Variants in TBC1D16 observed in about 807,000 individuals in gnomAD.
TBC1D16 encodes TBC1 domain family member 16, also known as CTD-2529O21.1.
In TBC1D16, 58 loss-of-function variants were observed where a neutral mutation model predicts 74.7. The observed-to-expected ratio is 0.78, with a 90% CI of 0.63 to 0.97. The LOEUF is 0.97. Ranked by LOEUF, TBC1D16 falls within the 50% of genes least tolerant of loss-of-function variation. TBC1D16 has a pLI of 0.00. For missense variants in TBC1D16, 1,014 were observed against 1,079.5 expected (o/e 0.94, Z 0.85); for synonymous variants, 493 against 474.7 (o/e 1.04, Z -0.50).
rs903955910 is a variant in TBC1D16 at position 80,007,698 on chromosome 17, A to G, written c.779+2462T>C. ...AACATATAAGCTGGCCGGTTAGGAG[A>G]GAGGGGAAGGAGGAAGCCTAGGTAG... On this transcript the variant is annotated intron_variant, in intron 3 of 11. Transcript: ENST00000310924. The surrounding 1 kb of genome is among the most constrained non-coding windows in gnomAD (Gnocchi z 4.5). 6.6e-6 allele frequency among the ~76,000 whole-genome samples: 1 copy of G among 152,020 alleles called. No individual in the cohort carries two copies. Among genetic ancestry groups the G allele is most frequent in the African/African-American group, 2.4e-5 (1 of 41,374 alleles).
At chr17:80,024,491 ACACCACACG>A (rs2036443114) in intron 1 of TBC1D16, among the ~76,000 whole-genome samples, 1 of 147,986 alleles carries the variant, frequency 6.8e-6, no homozygotes, top group African/African-American at 2.6e-5. Context: ...CCATAGACAC[ACACCACACG>A]CACCATAGAC....
At chr17:79,951,683 T>C in intron 4 of TBC1D16, 86 bp from the exon 5 acceptor site, 1 of 1,487,038 alleles carries the variant, frequency 6.7e-7, no homozygotes, top group Non-Finnish European at 9.0e-7. Flanking sequence ...CAGAGGCCAC[T>C]GTCGCCAACC....
chr17:79,952,669 C>G lies in TBC1D16; in HGVS notation c.929G>C (p.Arg310Pro). Residue 310 changes from arginine to proline, a missense_variant, in exon 4 of 12, where the codon CGC (arginine) becomes CCC (proline). Transcript: ENST00000310924. ...AGATGCTTCCTACCTGAAGAAAAGG[C>G]GGAGGGAGCGCATGTGGCCCAGGTC... ...RVDLGHMRSLRLFFSDEACTS... is the reference protein window; with the variant it reads ...RVDLGHMRSLPLFFSDEACTS... 6.3e-7 allele frequency: 1 copy of G among 1,597,060 alleles called. No homozygotes were observed. The highest frequency in any genetic ancestry group is 8.6e-7 in the Non-Finnish European group (1 of 1,167,372).
intron 3 of TBC1D16, among the ~76,000 whole-genome samples, chr17:79,995,742 G>A (rs1368015233): frequency 6.6e-6 from 1 of 151,912 alleles, no homozygotes; most frequent in African/African-American, 2.4e-5. Context: ...CCGAGATCGC[G>A]CCCCTGCACT....
chr17:79,957,672 T>G (rs1266584616), intron 3 of TBC1D16, among the ~76,000 whole-genome samples: 2 of 151,358 alleles, frequency 1.3e-5, no homozygotes, highest in East Asian at 3.9e-4. Flanking sequence ...CAAGACCGAG[T>G]GTGAATGCCG....
rs1422884352 is a variant in TBC1D16 at position 79,940,379 on chromosome 17, C to A, written c.*480G>T. The A allele has an allele frequency of 6.5e-6, 1 of 153,176 alleles. No homozygotes were observed. 9.5% of individuals were successfully genotyped at this position (153,176 alleles called of 1,614,324 possible). A position where few individuals can be genotyped will look rare whatever the true frequency, so the allele number is the denominator to read the frequency against. ...GGCTCACTCCGAGAGAACGAGGTCT[C>A]AAGAGGAAGTGTGTCTGGCTTGCAA... On this transcript the variant is annotated 3_prime_UTR_variant, in exon 12 of 12. Transcript: ENST00000310924. This position sits in a 1 kb window ranked among gnomAD's most constrained non-coding sequence, Gnocchi z 5.4.
intron 1 of TBC1D16, among the ~76,000 whole-genome samples, chr17:80,031,322 C>A (rs1273757584): frequency 6.6e-6 from 1 of 152,236 alleles, no homozygotes. Context: ...ACAGAAGCCA[C>A]ATTCAGGATA....
At position 79,979,538 on chromosome 17, in the gene TBC1D16, CA is replaced by C. The variant is rs1175348129; in HGVS notation, c.780-26721del. ...CGTCCCTGTGTCATCTCTGCAGGAC[CA>C]AACAGTCAATTAGTATCCAAATACT... On this transcript the variant is annotated intron_variant, in intron 3 of 11. Transcript: ENST00000310924. This position sits in a 1 kb window ranked among gnomAD's most constrained non-coding sequence, Gnocchi z 4.8. Among the ~76,000 whole-genome samples the C allele has an allele frequency of 6.6e-6, 1 of 152,158 alleles. No homozygotes were observed. Among genetic ancestry groups the C allele is most frequent in the East Asian group, 1.9e-4 (1 of 5,182 alleles).
intron 3 of TBC1D16, among the ~76,000 whole-genome samples, chr17:79,996,158 A>G (rs1026738655): frequency 6.6e-6 from 1 of 152,246 alleles, no homozygotes; most frequent in Non-Finnish European, 1.5e-5. Context: ...ATCATGTATT[A>G]ACAGGAATAA....
rs561791781 is a variant in TBC1D16, at chr17:79,975,787, C to A, written c.780-22969G>T. Among the ~76,000 whole-genome samples, 26 of 152,364 alleles carry A rather than the reference C, an allele frequency of 1.7e-4. No individual in the cohort carries two copies. Among genetic ancestry groups the A allele is most frequent in the African/African-American group, 5.3e-4 (22 of 41,574 alleles). On this transcript the variant is annotated intron_variant, in intron 3 of 11. Coordinates refer to ENST00000310924, the MANE Select transcript of TBC1D16 (RefSeq NM_019020.4). This position sits in a 1 kb window ranked among gnomAD's most constrained non-coding sequence, Gnocchi z 4.5. ...TAGTACAATACAAATTCAGGCAATGCCTGCGTCTGCCCACACCTGCAGAGC... is the reference window on the plus strand; with the variant it reads ...TAGTACAATACAAATTCAGGCAATGACTGCGTCTGCCCACACCTGCAGAGC...
At position 79,986,866 on chromosome 17, in the gene TBC1D16, T is replaced by G. The variant is rs2034858835; in HGVS notation, c.779+23294A>C. The stretch of plus-strand genomic sequence containing the variant: ...CTGAGGCCGGGCCGGTGGGAGGGCG[T>G]GATGCATGGGAGGAGCTGGACTGCG... On this transcript the variant is annotated intron_variant, in intron 3 of 11. Coordinates refer to ENST00000310924, the MANE Select transcript of TBC1D16 (RefSeq NM_019020.4). This position sits in a 1 kb window ranked among gnomAD's most constrained non-coding sequence, Gnocchi z 6.0. 6.6e-6 allele frequency among the ~76,000 whole-genome samples: 1 copy of G among 152,100 alleles called. No individual in the cohort carries two copies. Among genetic ancestry groups the G allele is most frequent in the Non-Finnish European group, 1.5e-5 (1 of 68,028 alleles).
At position 80,010,653 on chromosome 17, in the gene TBC1D16, G is replaced by T; in HGVS notation, c.286C>A (p.Arg96Ser). 1.3e-6 allele frequency: 2 copies of T among 1,549,494 alleles called. No individual in the cohort carries two copies. Among genetic ancestry groups the T allele is most frequent in the Non-Finnish European group, 8.7e-7 (1 of 1,150,818 alleles). Reference protein sequence around the residue: ...RIQRQDEEALRYITPESSPVR... With the variant: ...RIQRQDEEALSYITPESSPVR... ...GGGGAGCTCTCGGGTGTGATGTAGC[G>T]CAGGGCCTCCTCGTCCTGCCTCTGG... Residue 96 changes from arginine to serine, a missense_variant, in exon 3 of 12, where the codon CGC (arginine) becomes AGC (serine). By Grantham distance (110) the Arg-to-Ser change is moderately radical. Transcript: ENST00000310924. This position sits in a 1 kb window ranked among gnomAD's most constrained non-coding sequence, Gnocchi z 8.8.
At chr17:80,019,277 C>T (rs1331465158) in intron 1 of TBC1D16, among the ~76,000 whole-genome samples, 1 of 150,076 alleles carries the variant, frequency 6.7e-6, no homozygotes, top group Non-Finnish European at 1.5e-5. Flanking sequence ...CTCACTGTGG[C>T]TCTGCGAGGT....
In TBC1D16 at chr17:79,990,864, T is replaced by C. The variant is rs2035030721; in HGVS notation, c.779+19296A>G. ...GATTTGGCCCCTTATGTCTGGCTCA[T>C]TTCACTCGGCGTAACGTCCTCAACT... On this transcript the variant is annotated intron_variant, in intron 3 of 11. Transcript: ENST00000310924. The surrounding 1 kb of genome is among the most constrained non-coding windows in gnomAD (Gnocchi z 4.8). 6.6e-6 allele frequency among the ~76,000 whole-genome samples: 1 copy of C among 152,174 alleles called. No homozygotes were observed. The highest frequency in any genetic ancestry group is 2.4e-5 in the African/African-American group (1 of 41,440).
At position 79,936,870 on chromosome 17, in the gene TBC1D16, ATGTGTGTG is replaced by A. The variant is rs3080748; in HGVS notation, c.*3981_*3988del. The A allele has an allele frequency of 3.5e-3, 530 of 149,524 alleles. 1 individual carries two copies. The highest frequency in any genetic ancestry group is 0.02 in the Middle Eastern group (6 of 296). 9.3% of individuals were successfully genotyped at this position (149,524 alleles called of 1,614,324 possible). A position where few individuals can be genotyped will look rare whatever the true frequency, so the allele number is the denominator to read the frequency against. Reference sequence around the variant, plus strand: ...TGACTTAGGCTGCACCCCTGCACATATGTGTGTGTGTGTGTGCATGCGTGCGTGTGTGC... The same window carrying A: ...TGACTTAGGCTGCACCCCTGCACATATGTGTGTGCATGCGTGCGTGTGTGC... On this transcript the variant is annotated 3_prime_UTR_variant, in exon 12 of 12. Coordinates refer to ENST00000310924, the MANE Select transcript of TBC1D16 (RefSeq NM_019020.4).
At position 79,941,942 on chromosome 17, in the gene TBC1D16, GA is replaced by G. The variant is rs1358528677; in HGVS notation, c.2055+117del. ...GCACGTGCTGGGGGGCCATGGTGGG[GA>G]TGGGGCTCTGGGGGCGGGGCCCACA... On this transcript the variant is annotated intron_variant, in intron 11 of 11. Coordinates refer to ENST00000310924, the MANE Select transcript of TBC1D16 (RefSeq NM_019020.4). This position sits in a 1 kb window ranked among gnomAD's most constrained non-coding sequence, Gnocchi z 4.3. 1 of 940,198 alleles carries G rather than the reference GA, an allele frequency of 1.1e-6. No homozygotes were observed. The highest frequency in any genetic ancestry group is 2.7e-5 in the East Asian group (1 of 37,410). The allele number at this position is 940,198 out of a possible 1,614,324, so 58.2% of individuals were successfully genotyped here.
rs375399073 is a variant in TBC1D16 at position 80,021,684 on chromosome 17, C to T, written c.-62-8075G>A. 1.5e-4 allele frequency among the ~76,000 whole-genome samples: 23 copies of T among 148,824 alleles called. No homozygotes were observed. In the East Asian group the frequency reaches 3.7e-3, roughly 24 times the overall value. ...ACATACCATAGGCACACACCATAGG[C>T]ACACTGCATAAACATCACAGACACA... On this transcript the variant is annotated intron_variant, in intron 1 of 11. Coordinates refer to ENST00000310924, the MANE Select transcript of TBC1D16 (RefSeq NM_019020.4).
chr17:79,957,590 C>T (rs2033393741), intron 3 of TBC1D16, among the ~76,000 whole-genome samples: 1 of 152,098 alleles, frequency 6.6e-6, no homozygotes, highest in African/African-American at 2.4e-5. Flanking sequence ...AGGGCAGTGA[C>T]ACACCGGCAT....
At chr17:80,013,015 C>T (rs2035949422) in intron 2 of TBC1D16, among the ~76,000 whole-genome samples, 2 of 152,208 alleles carry the variant, frequency 1.3e-5, no homozygotes, top group Admixed American at 1.3e-4. Flanking sequence ...CTGGCCACTC[C>T]CATGAGGTTG....
Sources: gnomAD v4.1 joint callset for allele counts (sites outside exome capture counted in the v4.1 genomes callset) on GRCh38, gnomAD v4.1.1 for gene constraint, Gnocchi (gnomAD v3.1) non-coding constraint, MANE v1.5 for transcripts, NCBI Gene and HGNC (gene_info 2026-07-23, HGNC 2026-07-21) for gene names.